ZFHX3: variants seen among roughly 807,000 people sequenced by gnomAD.
The protein encoded by ZFHX3 is zinc finger homeobox protein 3.
A neutral mutation model predicts 279.1 loss-of-function variants in ZFHX3; 42 were observed. The observed-to-expected ratio is 0.15, with a 90% CI of 0.12 to 0.19. ZFHX3 has a LOEUF of 0.19. Among genes scored for constraint, ZFHX3 ranks in the 10% least tolerant of loss-of-function variants. The pLI, the probability that ZFHX3 is intolerant of heterozygous loss-of-function variation, is 1.00. For synonymous variants in ZFHX3, 2,293 were observed against 1,957.8 expected, an observed-to-expected ratio of 1.17 and a Z score of -4.52; for missense variants, 4,981 against 4,754.0, an observed-to-expected ratio of 1.05 and a Z score of -1.40.
At chr16:73,669,251 A>C (rs2052877709) in intron 2 of ZFHX3, among the ~76,000 whole-genome samples, 1 of 152,024 alleles carries the variant, frequency 6.6e-6, no homozygotes, top group Non-Finnish European at 1.5e-5. Flanking sequence ...ATGGGGTTTC[A>C]CCATGTTGGC....
intron 1 of ZFHX3, among the ~76,000 whole-genome samples, chr16:73,748,114 A>G (rs1031224796): frequency 6.6e-6 from 1 of 152,234 alleles, no homozygotes; most frequent in African/African-American, 2.4e-5. Context: ...TCCTGAGAAA[A>G]TGTAGAATCT....
intron 3 of ZFHX3, among the ~76,000 whole-genome samples, chr16:73,379,497 C>A (rs1360722673): frequency 6.6e-6 from 1 of 152,208 alleles, no homozygotes; most frequent in East Asian, 1.9e-4. Flanking sequence ...GGCTACCTAA[C>A]TCTCTTCACC....
intron 5 of ZFHX3, among the ~76,000 whole-genome samples, chr16:72,825,410 T>C (rs1285678223): frequency 6.6e-6 from 1 of 152,216 alleles, no homozygotes; most frequent in African/African-American, 2.4e-5. Context: ...CTCTGAGAGA[T>C]GGTATATTGG....
intron 1 of ZFHX3, among the ~76,000 whole-genome samples, chr16:73,012,383 T>C (rs968221116): frequency 6.6e-6 from 1 of 150,676 alleles, no homozygotes. Flanking sequence ...TGGCCTCTGA[T>C]AGTATGCATT....
intron 3 of ZFHX3, among the ~76,000 whole-genome samples, chr16:72,918,386 A>C (rs1200634914): frequency 6.6e-6 from 1 of 152,254 alleles, no homozygotes; most frequent in African/African-American, 2.4e-5. Context: ...TCATACAATA[A>C]TACTACGCAG....
intron 2 of ZFHX3, among the ~76,000 whole-genome samples, chr16:73,552,055 GAGAA>G (rs1010363053): frequency 1.8e-4 from 28 of 152,010 alleles, no homozygotes; most frequent in African/African-American, 5.8e-4. Flanking sequence ...CAGAGAGAGA[GAGAA>G]AGAGAGAGAA....
At chr16:73,132,500 C>T (rs1302375547) in intron 6 of ZFHX3, among the ~76,000 whole-genome samples, 2 of 152,174 alleles carry the variant, frequency 1.3e-5, no homozygotes, top group Non-Finnish European at 2.9e-5. Context: ...TCTCTCTTCT[C>T]TGTAGTTCCA....
Position 72,788,469 on chromosome 16 carries a change from TGCAGTTGCCGTGGGG to T in ZFHX3, c.9792_9806del (p.Pro3265_Ala3269del). 1 of 1,614,190 alleles carries T rather than the reference TGCAGTTGCCGTGGGG, an allele frequency of 6.2e-7. No homozygotes were observed. The highest frequency in any genetic ancestry group is 8.5e-7 in the Non-Finnish European group (1 of 1,180,028). ...TGGGCAGCGGGGCTGAGATCGTGGC[TGCAGTTGCCGTGGGG>T]GCCTCTCCTTTCTCCTTCTTGGGGA... On this transcript the variant is annotated inframe_deletion, in exon 10 of 10. Coordinates refer to ENST00000268489, the MANE Select transcript of ZFHX3 (RefSeq NM_006885.4).
At chr16:72,881,028 T>C (rs1477004448) in intron 4 of ZFHX3, among the ~76,000 whole-genome samples, 3 of 152,186 alleles carry the variant, frequency 2.0e-5, no homozygotes, top group Non-Finnish European at 4.4e-5. Context: ...GGAACCACAC[T>C]TCTCTAAAAT....
chr16:73,245,518 TA>T (rs548208225), intron 5 of ZFHX3, among the ~76,000 whole-genome samples: 165 of 152,208 alleles, frequency 1.1e-3, no homozygotes, highest in African/African-American at 3.7e-3. Context: ...GATGATGCCT[TA>T]AAAAAATAGA....
intron 1 of ZFHX3, among the ~76,000 whole-genome samples, chr16:72,996,021 A>G (rs938397680): frequency 1.3e-5 from 2 of 152,062 alleles, no homozygotes; most frequent in Non-Finnish European, 2.9e-5. Context: ...TAATCCCAAC[A>G]CTTTGGGACA....
intron 2 of ZFHX3, among the ~76,000 whole-genome samples, chr16:73,472,250 A>T (rs911025783): frequency 2.8e-5 from 4 of 143,204 alleles, no homozygotes; most frequent in Non-Finnish European, 3.0e-5. Flanking sequence ...TCAGGTCAGG[A>T]TTCTACTTTT....
chr16:73,219,724 G>A (rs2012345179), intron 5 of ZFHX3, among the ~76,000 whole-genome samples: 1 of 152,196 alleles, frequency 6.6e-6, no homozygotes, highest in Admixed American at 6.5e-5. Flanking sequence ...AATCAGGTTG[G>A]TGAGAGTTGA....
intron 1 of ZFHX3, among the ~76,000 whole-genome samples, chr16:73,824,490 C>T (rs9935200): frequency 0.021 from 2,481 of 117,264 alleles, 72 homozygotes; most frequent in African/African-American, 0.081. Flanking sequence ...CATGCTGGTG[C>T]GCTGCACCCA....
intron 1 of ZFHX3, among the ~76,000 whole-genome samples, chr16:73,033,842 ATTG>A (rs1964799330): frequency 1.3e-5 from 2 of 152,124 alleles, no homozygotes; most frequent in African/African-American, 2.4e-5. Context: ...GCAAAGGAAA[ATTG>A]TTGTTGTCAC....
At chr16:73,645,258 A>AT (rs764827213) in intron 2 of ZFHX3, among the ~76,000 whole-genome samples, 20 of 152,008 alleles carry the variant, frequency 1.3e-4, no homozygotes, top group Non-Finnish European at 2.8e-4. Flanking sequence ...AATCATTATT[A>AT]TTTTTTATTT....
At chr16:73,327,443 C>A (rs901108248) in intron 3 of ZFHX3, among the ~76,000 whole-genome samples, 2 of 152,166 alleles carry the variant, frequency 1.3e-5, no homozygotes, top group Admixed American at 6.5e-5. Context: ...TCCCTAGAAG[C>A]AGATCTGGGC....
rs78955275 is a variant in ZFHX3, at chr16:73,857,969, G to A, written c.-1608+33682C>T. On this transcript the variant is annotated intron_variant, in intron 1 of 17. Transcript: ENST00000641206. ...AAATTAGCAGAGCTGGTGGTGCCAC[G>A]CCTGTAGTACCGGCTACTCGGGAGG... Among the ~76,000 whole-genome samples, 161 of 152,094 alleles carry A rather than the reference G, an allele frequency of 1.1e-3. No individual in the cohort carries two copies. In the East Asian group the frequency reaches 0.025, roughly 24 times the overall value.
At chr16:73,632,278 G>T (rs1382507119) in intron 2 of ZFHX3, among the ~76,000 whole-genome samples, 1 of 152,190 alleles carries the variant, frequency 6.6e-6, no homozygotes, top group Non-Finnish European at 1.5e-5. Flanking sequence ...AATTGGTAAA[G>T]ATGAATATAT....
Sources: allele counts gnomAD v4.1 joint callset (sites outside exome capture counted in the v4.1 genomes callset), GRCh38; gene constraint gnomAD v4.1.1; transcripts MANE v1.5; gene names NCBI Gene and HGNC (gene_info 2026-07-23, HGNC 2026-07-21).